Variants in ZRANB3 observed in about 807,000 individuals in gnomAD.
ZRANB3 encodes the protein DNA annealing helicase and endonuclease ZRANB3.
In ZRANB3, 125 loss-of-function variants were observed where a neutral mutation model predicts 133.8. That is an observed-to-expected ratio of 0.93 (90% CI 0.81 to 1.08). ZRANB3 has a LOEUF of 1.08. Among genes scored for constraint, ZRANB3 ranks in the 50% least tolerant of loss-of-function variants. The probability of loss-of-function intolerance (pLI) is 0.00; values close to 1 mark genes in which losing one functional copy is unlikely to be tolerated. For missense variants in ZRANB3, 1,229 were observed against 1,275.5 expected (o/e 0.96, Z 0.56); for synonymous variants, 387 against 432.7 (o/e 0.89, Z 1.31).
chr2:135,271,801 G>A lies in ZRANB3; in HGVS notation c.1173C>T (p.Arg391=), dbSNP rs776799423. 9.9e-6 allele frequency: 16 copies of A among 1,613,450 alleles called. No individual in the cohort carries two copies. The highest frequency in any genetic ancestry group is 1.2e-5 in the Non-Finnish European group (14 of 1,179,764). The change falls in exon 10 of 21, where the codon CGC becomes CGT. Residue 391 remains arginine (R), a synonymous_variant. Transcript: ENST00000264159. ...CAGCCTGAATGCTTAGGATAGCCACGCGAGTGTCAGGATCCTTTTGAAACT... is the reference window on the plus strand; with the variant it reads ...CAGCCTGAATGCTTAGGATAGCCACACGAGTGTCAGGATCCTTTTGAAACT... The part of the protein sequence containing the change: ...VNQFQKDPDT[R]VAILSIQAAG...
At chr2:135,277,418 G>GC (rs1478609741) in intron 8 of ZRANB3, among the ~76,000 whole-genome samples, 2 of 152,062 alleles carry the variant, frequency 1.3e-5, no homozygotes, top group African/African-American at 4.8e-5. Context: ...AAGATCAATA[G>GC]ATATTTGTAG....
Position 135,407,337 on chromosome 2 carries a change from C to G in ZRANB3, c.162-16517G>C, listed in dbSNP as rs1231916860. 1.6e-4 allele frequency among the ~76,000 whole-genome samples: 25 copies of G among 151,812 alleles called. No homozygotes were observed. The South Asian group carries it at 2.3e-3, about 14-fold the overall frequency. On this transcript the variant is annotated intron_variant, in intron 2 of 20. Coordinates refer to ENST00000264159, the MANE Select transcript of ZRANB3 (RefSeq NM_032143.4). ...GAAATAAAAAAGGATACAAACAAAT[C>G]GAAGAACATTCCATGCTCATGGGTA...
In ZRANB3 at chr2:135,263,016, A is replaced by G. The variant is rs561789250; in HGVS notation, c.1539+2518T>C. Among the ~76,000 whole-genome samples the G allele has an allele frequency of 2.0e-5, 3 of 152,262 alleles. No homozygotes were observed. In the East Asian group the frequency reaches 5.8e-4, roughly 29 times the overall value. On this transcript the variant is annotated intron_variant, in intron 12 of 20. Transcript: ENST00000264159. Reference sequence around the variant, plus strand: ...CCACCATTCAAAATTTACAAATATTAATATTGTACTTCTGATCTTTTTATA... The same window carrying G: ...CCACCATTCAAAATTTACAAATATTGATATTGTACTTCTGATCTTTTTATA...
intron 8 of ZRANB3, among the ~76,000 whole-genome samples, chr2:135,305,030 G>A (rs1354591245): frequency 6.6e-6 from 1 of 152,076 alleles, no homozygotes; most frequent in East Asian, 1.9e-4. Context: ...AGGCTGGAAT[G>A]CAGTGGTGCG....
chr2:135,436,621 A>G (rs1689545107), intron 2 of ZRANB3, among the ~76,000 whole-genome samples: 1 of 152,220 alleles, frequency 6.6e-6, no homozygotes, highest in Non-Finnish European at 1.5e-5. Flanking sequence ...AGAAGATACA[A>G]ACAAATGGAA....
chr2:135,473,331 CAT>C (rs1691359918), intron 2 of ZRANB3, among the ~76,000 whole-genome samples: 2 of 152,224 alleles, frequency 1.3e-5, no homozygotes, highest in East Asian at 1.9e-4. Flanking sequence ...CTAAAATAAA[CAT>C]ATGCAAACAT....
In ZRANB3 at chr2:135,516,925, G is replaced by C. The variant is rs564231523; in HGVS notation, c.-7-12429C>G. 7.2e-5 allele frequency among the ~76,000 whole-genome samples: 11 copies of C among 151,976 alleles called. No individual in the cohort carries two copies. The East Asian group carries it at 2.1e-3, about 29-fold the overall frequency. On this transcript the variant is annotated intron_variant, in intron 1 of 20. Transcript: ENST00000264159. ...CAGGTACACCAATCAAAAATAGTTTGGTCTTTTCACATAGTCCCATATTTC... is the reference window on the plus strand; with the variant it reads ...CAGGTACACCAATCAAAAATAGTTTCGTCTTTTCACATAGTCCCATATTTC...
At chr2:135,405,267 T>C (rs1350128803) in intron 2 of ZRANB3, among the ~76,000 whole-genome samples, 1 of 152,158 alleles carries the variant, frequency 6.6e-6, no homozygotes, top group East Asian at 1.9e-4. Flanking sequence ...CAAGAAGAGC[T>C]AACTATCCTA....
At chr2:135,441,490 C>T (rs142881049) in intron 2 of ZRANB3, among the ~76,000 whole-genome samples, 2,053 of 151,918 alleles carry the variant, frequency 0.014, 30 homozygotes, top group African/African-American at 0.037. Flanking sequence ...TGTTTCACAA[C>T]GGTAAATATT....
At chr2:135,415,752 A>G (rs2104961092) in intron 2 of ZRANB3, among the ~76,000 whole-genome samples, 1 of 152,316 alleles carries the variant, frequency 6.6e-6, no homozygotes, top group South Asian at 2.1e-4. Context: ...CAAAAAGCTT[A>G]CCCACCATGA....
At chr2:135,265,931 C>T (rs1680221486) in intron 11 of ZRANB3, among the ~76,000 whole-genome samples, 1 of 152,114 alleles carries the variant, frequency 6.6e-6, no homozygotes, top group African/African-American at 2.4e-5. Context: ...TGAAACACGC[C>T]AGGTGCAGTG....
chr2:135,426,704 C>T (rs1035145970), intron 2 of ZRANB3, among the ~76,000 whole-genome samples: 33 of 149,350 alleles, frequency 2.2e-4, no homozygotes, highest in African/African-American at 4.9e-4. Context: ...TGGTGGTGAG[C>T]GCCAGTAGTC....
intron 12 of ZRANB3, among the ~76,000 whole-genome samples, chr2:135,244,742 C>T (rs563547789): frequency 4.1e-4 from 62 of 152,252 alleles, no homozygotes; most frequent in Admixed American, 9.2e-4. Flanking sequence ...TTTAATTAAG[C>T]TATTTTAAAA....
chr2:135,486,513 CTT>C (rs538563741), intron 2 of ZRANB3, among the ~76,000 whole-genome samples: 7 of 142,614 alleles, frequency 4.9e-5, no homozygotes, highest in Admixed American at 7.1e-5. Flanking sequence ...CCACTGAAGT[CTT>C]TTTTTTTTTT....
chr2:135,508,046 C>T lies in ZRANB3; in HGVS notation c.-7-3550G>A, dbSNP rs576716436. 2.0e-5 allele frequency among the ~76,000 whole-genome samples: 3 copies of T among 152,272 alleles called. No homozygotes were observed. In the South Asian group the frequency reaches 6.2e-4, roughly 32 times the overall value. ...ACTTAGTAAAAAATTTTAATAGACA[C>T]TCCAAAAAAATCTGGTAAATTGGGG... On this transcript the variant is annotated intron_variant, in intron 1 of 20. Coordinates refer to ENST00000264159, the MANE Select transcript of ZRANB3 (RefSeq NM_032143.4).
At chr2:135,343,562 A>G (rs58081783) in intron 6 of ZRANB3, among the ~76,000 whole-genome samples, 18,824 of 149,442 alleles carry the variant, frequency 0.13, 2,172 homozygotes, top group South Asian at 0.32. Flanking sequence ...TCAGAAAACC[A>G]TGACCATGTG....
At chr2:135,237,038 T>C (rs970354120) in intron 12 of ZRANB3, among the ~76,000 whole-genome samples, 6 of 152,072 alleles carry the variant, frequency 3.9e-5, no homozygotes, top group Admixed American at 6.6e-5. Flanking sequence ...TGCAATCTAC[T>C]CATCTGACAA....
chr2:135,291,816 A>G (rs971086827), intron 8 of ZRANB3, among the ~76,000 whole-genome samples: 1 of 151,566 alleles, frequency 6.6e-6, no homozygotes, highest in Non-Finnish European at 1.5e-5. Flanking sequence ...TCATTCTTCA[A>G]TTCCCACCTA....
At chr2:135,306,899 A>G (rs1187754582) in intron 8 of ZRANB3, among the ~76,000 whole-genome samples, 1 of 151,706 alleles carries the variant, frequency 6.6e-6, no homozygotes, top group Non-Finnish European at 1.5e-5. Context: ...TTATTTTTGT[A>G]TTTATTAGTA....
Sources: allele counts gnomAD v4.1 joint callset (sites outside exome capture counted in the v4.1 genomes callset), GRCh38; gene constraint gnomAD v4.1.1; transcripts MANE v1.5; gene names NCBI Gene and HGNC (gene_info 2026-07-23, HGNC 2026-07-21).